The following IPO8 variants were observed in gnomAD, a reference collection of about 807,000 sequenced individuals.
IPO8 encodes importin-8.
In IPO8, 65 loss-of-function variants were observed where a neutral mutation model predicts 141.2. That is an observed-to-expected ratio of 0.46 (90% confidence interval 0.38 to 0.57). The LOEUF (loss-of-function observed/expected upper bound fraction) is 0.57, where lower values mean the gene tolerates loss of function less well. Ranked by LOEUF, IPO8 falls within the 20% of genes least tolerant of loss-of-function variation. The pLI is 0.00. For synonymous variants in IPO8, 411 were observed against 420.3 expected (o/e 0.98, Z 0.27); for missense variants, 980 against 1,246.8 (o/e 0.79, Z 3.22).
At chr12:30,642,796 C>T (rs1367459878) in intron 20 of IPO8, among the ~76,000 whole-genome samples, 2 of 151,882 alleles carry the variant, frequency 1.3e-5, no homozygotes, top group African/African-American at 2.4e-5. Context: ...AATATCTAGT[C>T]GTACCAAGAC....
At chr12:30,694,204 C>T (rs537037587) in intron 1 of IPO8, among the ~76,000 whole-genome samples, 4 of 152,302 alleles carry the variant, frequency 2.6e-5, no homozygotes, top group Non-Finnish European at 5.9e-5. Flanking sequence ...GATTACTATT[C>T]TTCCAGCCAG....
At chr12:30,692,682 G>T (rs1325234970) in intron 1 of IPO8, among the ~76,000 whole-genome samples, 2 of 152,058 alleles carry the variant, frequency 1.3e-5, no homozygotes, top group Non-Finnish European at 2.9e-5. Flanking sequence ...AACCTTTCTA[G>T]TCCTCCAGCA....
chr12:30,657,508 T>A (rs1453757908), intron 16 of IPO8, among the ~76,000 whole-genome samples: 1 of 152,120 alleles, frequency 6.6e-6, no homozygotes, highest in Non-Finnish European at 1.5e-5. Flanking sequence ...CCCATACAAA[T>A]GACGATGCAA....
intron 17 of IPO8, among the ~76,000 whole-genome samples, chr12:30,654,661 C>T (rs2052773832): frequency 3.3e-5 from 5 of 151,976 alleles, no homozygotes; most frequent in Admixed American, 3.3e-4. Context: ...ATCAAAACCA[C>T]ATCATATCTA....
intron 20 of IPO8, among the ~76,000 whole-genome samples, chr12:30,645,966 T>C (rs549290604): frequency 1.3e-5 from 2 of 152,198 alleles, no homozygotes; most frequent in African/African-American, 4.8e-5. Context: ...TCTTCACAAC[T>C]CTTTGAACAA....
rs1212077490 is a variant in IPO8, at chr12:30,669,039, C to A, written c.1144+144G>T. ...GTTCTCTAGTTCAACAAAATAACAT[C>A]AAACTCTCAAAGTTTCAGATTATGT... On this transcript the variant is annotated intron_variant, in intron 10 of 24. Coordinates refer to ENST00000256079, the MANE Select transcript of IPO8 (RefSeq NM_006390.4). The A allele has an allele frequency of 1.6e-5, 8 of 497,660 alleles. No individual in the cohort carries two copies. The East Asian group carries it at 2.2e-4, about 14-fold the overall frequency. The allele number at this position is 497,660 out of a possible 1,614,324, so 30.8% of individuals were successfully genotyped here.
intron 2 of IPO8, among the ~76,000 whole-genome samples, chr12:30,685,143 CTT>C (rs763211235): frequency 4.9e-5 from 7 of 142,018 alleles, no homozygotes; most frequent in African/African-American, 2.6e-5. Flanking sequence ...CTTTTCTTTT[CTT>C]TTTTTTTTTT....
intron 13 of IPO8, 74 bp downstream of exon 13, chr12:30,665,146 T>C (rs1266604949): frequency 7.9e-6 from 7 of 882,354 alleles, no homozygotes; most frequent in Admixed American, 2.4e-5. Flanking sequence ...AAGGTCAATT[T>C]ATCCAAAAAA....
At chr12:30,678,124 CAAA>C (rs35828691) in intron 5 of IPO8, among the ~76,000 whole-genome samples, 3 of 76,646 alleles carry the variant, frequency 3.9e-5, no homozygotes, top group African/African-American at 6.0e-5. Flanking sequence ...GACTCCATCT[CAAA>C]AAAAAAAAAA....
At chr12:30,673,490 G>A (rs911392691) in intron 8 of IPO8, among the ~76,000 whole-genome samples, 1 of 152,130 alleles carries the variant, frequency 6.6e-6, no homozygotes, top group Non-Finnish European at 1.5e-5. Context: ...GATTGTTTCA[G>A]GAACTAATTT....
intron 16 of IPO8, among the ~76,000 whole-genome samples, chr12:30,660,336 T>C (rs1249479975): frequency 6.6e-6 from 1 of 152,188 alleles, no homozygotes; most frequent in Non-Finnish European, 1.5e-5. Flanking sequence ...ACAGAAGCAA[T>C]GAACAAAAAT....
At chr12:30,636,676 T>C (rs1213951631) in intron 22 of IPO8, among the ~76,000 whole-genome samples, 1 of 152,180 alleles carries the variant, frequency 6.6e-6, no homozygotes, top group Non-Finnish European at 1.5e-5. Flanking sequence ...AGTTAGATAC[T>C]AGATTGCTAA....
intron 20 of IPO8, among the ~76,000 whole-genome samples, chr12:30,644,715 G>A (rs984880908): frequency 6.6e-5 from 10 of 150,800 alleles, no homozygotes; most frequent in East Asian, 2.0e-4. Flanking sequence ...GTGCAATGGC[G>A]CAATCTTGGC....
intron 19 of IPO8, among the ~76,000 whole-genome samples, chr12:30,651,208 G>C (rs890966392): frequency 6.6e-6 from 1 of 151,980 alleles, no homozygotes; most frequent in Admixed American, 6.6e-5. Flanking sequence ...AAGACTGCCC[G>C]GTGATTATGA....
intron 1 of IPO8, among the ~76,000 whole-genome samples, chr12:30,693,927 G>A (rs1049899030): frequency 1.3e-5 from 2 of 151,802 alleles, no homozygotes; most frequent in Non-Finnish European, 2.9e-5. Context: ...AAATACCATG[G>A]GAAAAAAAAT....
At chr12:30,694,623 C>T (rs2053320069) in intron 1 of IPO8, among the ~76,000 whole-genome samples, 1 of 152,176 alleles carries the variant, frequency 6.6e-6, no homozygotes, top group Non-Finnish European at 1.5e-5. Context: ...ACTGAAGCCC[C>T]GTAATTTGCA....
chr12:30,677,293 CAT>C (rs1340795676), intron 5 of IPO8: 1 of 370,156 alleles, frequency 2.7e-6, no homozygotes, highest in Non-Finnish European at 5.3e-6. Context: ...CGCCTAGTGA[CAT>C]AGTAACCATC....
intron 5 of IPO8, among the ~76,000 whole-genome samples, chr12:30,679,328 T>C (rs1260321185): frequency 1.3e-5 from 2 of 152,200 alleles, no homozygotes; most frequent in Non-Finnish European, 2.9e-5. Flanking sequence ...TTTTAGCAAG[T>C]ATAGACTGAG....
At chr12:30,689,024 C>G (rs1440586180) in intron 2 of IPO8, among the ~76,000 whole-genome samples, 2 of 151,770 alleles carry the variant, frequency 1.3e-5, no homozygotes, top group East Asian at 3.8e-4. Context: ...AAATACTGCA[C>G]AGCTGTTATA....
Sources: gnomAD v4.1 joint callset for allele counts (sites outside exome capture counted in the v4.1 genomes callset) on GRCh38, gnomAD v4.1.1 for gene constraint, MANE v1.5 for transcripts, NCBI Gene and HGNC (gene_info 2026-07-23, HGNC 2026-07-21) for gene names.